RORB: variants seen among roughly 807,000 people sequenced by gnomAD.
RORB encodes the protein RAR related orphan receptor B.
A neutral mutation model predicts 59.1 loss-of-function variants in RORB; 6 were observed. The ratio of observed to expected loss-of-function variants is 0.10; its 90% CI spans 0.06 to 0.20. The LOEUF (loss-of-function observed/expected upper bound fraction) is 0.20. RORB is among the 10% of genes least tolerant of loss of function. The pLI is 1.00. For missense variants in RORB, 320 were observed against 560.5 expected (o/e 0.57, Z 4.33); for synonymous variants, 215 against 204.5 (o/e 1.05, Z -0.44).
chr9:74,608,481 G>C (rs966475104), intron 1 of RORB, among the ~76,000 whole-genome samples: 1 of 150,540 alleles, frequency 6.6e-6, no homozygotes, highest in African/African-American at 2.4e-5. Flanking sequence ...GGAGAATGGC[G>C]TGAACCCGGG....
At chr9:74,680,438 A>G (rs1824528291) in intron 9 of RORB, among the ~76,000 whole-genome samples, 1 of 152,114 alleles carries the variant, frequency 6.6e-6, no homozygotes, top group Non-Finnish European at 1.5e-5. Flanking sequence ...CTACAATTAA[A>G]AAGCAACTTG....
chr9:74,520,516 G>A (rs1199799752), intron 1 of RORB, among the ~76,000 whole-genome samples: 1 of 151,842 alleles, frequency 6.6e-6, no homozygotes, highest in African/African-American at 2.4e-5. Context: ...TCATTGAATA[G>A]GTGTAAGAAT....
chr9:74,560,764 T>A (rs1822385576), intron 1 of RORB, among the ~76,000 whole-genome samples: 1 of 152,090 alleles, frequency 6.6e-6, no homozygotes, highest in Non-Finnish European at 1.5e-5. Context: ...TCACAGTTTA[T>A]TTGTAGTTTC....
intron 1 of RORB, among the ~76,000 whole-genome samples, chr9:74,549,035 T>C (rs911743748): frequency 3.3e-5 from 5 of 152,218 alleles, no homozygotes; most frequent in Admixed American, 1.3e-4. Flanking sequence ...TTTGACCACA[T>C]GAAAATGCGA....
intron 1 of RORB, among the ~76,000 whole-genome samples, chr9:74,603,435 A>G (rs927568620): frequency 1.4e-4 from 21 of 152,176 alleles, no homozygotes; most frequent in Admixed American, 5.9e-4. Flanking sequence ...TTGACTAAGG[A>G]TGCATCTCTT....
chr9:74,542,477 C>CAA (rs1242879248), intron 1 of RORB, among the ~76,000 whole-genome samples: 1 of 151,912 alleles, frequency 6.6e-6, no homozygotes, highest in Non-Finnish European at 1.5e-5. Flanking sequence ...CAATGCAGCA[C>CAA]AGAAAGGCAA....
intron 2 of RORB, among the ~76,000 whole-genome samples, chr9:74,630,816 C>T (rs1408082094): frequency 9.0e-6 from 1 of 110,960 alleles, no homozygotes; most frequent in South Asian, 4.0e-4. Flanking sequence ...CCTTTATTCT[C>T]AAGTTACAGG....
chr9:74,500,548 C>T (rs547262384), intron 1 of RORB, among the ~76,000 whole-genome samples: 2 of 152,244 alleles, frequency 1.3e-5, no homozygotes, highest in African/African-American at 4.8e-5. Flanking sequence ...CTCATCCACA[C>T]GCGCGCGCTT....
At chr9:74,664,066 A>C (rs1409479046) in intron 6 of RORB, among the ~76,000 whole-genome samples, 2 of 152,170 alleles carry the variant, frequency 1.3e-5, no homozygotes, top group African/African-American at 2.4e-5. Context: ...GGGATGGAAG[A>C]TATTTTTTCT....
At chr9:74,542,383 T>C (rs1826422066) in intron 1 of RORB, among the ~76,000 whole-genome samples, 1 of 151,978 alleles carries the variant, frequency 6.6e-6, no homozygotes. Flanking sequence ...AAATGAAAAA[T>C]GTATTGTTTG....
chr9:74,549,076 A>T (rs1175772200), intron 1 of RORB, among the ~76,000 whole-genome samples: 2 of 152,192 alleles, frequency 1.3e-5, no homozygotes, highest in Non-Finnish European at 2.9e-5. Flanking sequence ...GTGTTTAAAA[A>T]CTTTTGAAAT....
intron 1 of RORB, among the ~76,000 whole-genome samples, chr9:74,566,116 TTACCAA>T (rs1365475791): frequency 6.6e-6 from 1 of 152,160 alleles, no homozygotes; most frequent in East Asian, 1.9e-4. Context: ...CTGCTGTCCT[TTACCAA>T]CCCCTGTCAC....
At chr9:74,528,864 C>T (rs146025572) in intron 1 of RORB, among the ~76,000 whole-genome samples, 34 of 152,006 alleles carry the variant, frequency 2.2e-4, no homozygotes, top group Admixed American at 4.6e-4. Flanking sequence ...CTATTAATGC[C>T]ATGTTTTCCA....
intron 1 of RORB, among the ~76,000 whole-genome samples, chr9:74,564,395 TTTGAA>T (rs1206064090): frequency 2.6e-5 from 4 of 152,244 alleles, no homozygotes; most frequent in Non-Finnish European, 5.9e-5. Context: ...TGCCTCTGTA[TTTGAA>T]TTGTTTTCCA....
intron 1 of RORB, among the ~76,000 whole-genome samples, chr9:74,502,081 T>C (rs1293119852): frequency 6.6e-6 from 1 of 152,144 alleles, no homozygotes; most frequent in African/African-American, 2.4e-5. Flanking sequence ...CTTAACCAAA[T>C]ATGAATGTTA....
At chr9:74,559,003 A>G (rs781097086) in intron 1 of RORB, among the ~76,000 whole-genome samples, 8 of 152,114 alleles carry the variant, frequency 5.3e-5, no homozygotes, top group Non-Finnish European at 7.4e-5. Flanking sequence ...TTCTAGGGAG[A>G]GTGTAACTGA....
At chr9:74,585,553 G>A (rs1388270959) in intron 1 of RORB, among the ~76,000 whole-genome samples, 2 of 152,148 alleles carry the variant, frequency 1.3e-5, no homozygotes, top group East Asian at 3.9e-4. Flanking sequence ...TCTGAATTCT[G>A]TGTTAGACAG....
chr9:74,627,175 A>AG (rs200685936), intron 1 of RORB, among the ~76,000 whole-genome samples: 3 of 151,740 alleles, frequency 2.0e-5, no homozygotes, highest in Middle Eastern at 3.4e-3. Flanking sequence ...AAAAAAAAAA[A>AG]GTATAAACTA....
chr9:74,637,881 C>T (rs572688495), intron 3 of RORB, among the ~76,000 whole-genome samples: 11 of 152,246 alleles, frequency 7.2e-5, no homozygotes, highest in African/African-American at 2.6e-4. Flanking sequence ...GTTCATTAGG[C>T]ACATGCAGCT....
Sources: gnomAD v4.1 joint callset for allele counts (sites outside exome capture counted in the v4.1 genomes callset) on GRCh38, gnomAD v4.1.1 for gene constraint, MANE v1.5 for transcripts, NCBI Gene and HGNC (gene_info 2026-07-23, HGNC 2026-07-21) for gene names.